RFLNA: variants seen among roughly 807,000 people sequenced by gnomAD.
RFLNA encodes the protein refilin A.
A neutral mutation model predicts 7.8 loss-of-function variants in RFLNA; 5 were observed. The ratio of observed to expected loss-of-function variants is 0.64; its 90% CI spans 0.34 to 1.35. RFLNA has a LOEUF of 1.35. RFLNA is among the 40% of genes most tolerant of loss of function. RFLNA has a pLI of 0.04. For synonymous variants in RFLNA, 141 were observed against 131.3 expected (o/e 1.07, Z -0.50); for missense variants, 278 against 305.5 (o/e 0.91, Z 0.67).
At position 124,314,392 on chromosome 12, in the gene RFLNA, A is replaced by G. The variant is rs778057181; in HGVS notation, c.518A>G (p.Lys173Arg). ...RFRSTTIIFP[K>R]HARSTFRTTL... ...CGCAGCACCACCATCATCTTCCCCA[A>G]GCATGCCAGGAGCACTTTCCGGACC... The change falls in exon 3 of 3, where the codon AAG (lysine) becomes AGG (arginine). Residue 173 changes from lysine to arginine, a missense_variant. Transcript: ENST00000546355. 3 of 1,611,118 alleles carry G rather than the reference A, an allele frequency of 1.9e-6. No homozygotes were observed. The highest frequency in any genetic ancestry group is 2.2e-5 in the East Asian group (1 of 44,878).
At chr12:124,313,264 G>C (rs1323034005) in intron 2 of RFLNA, among the ~76,000 whole-genome samples, 2 of 152,172 alleles carry the variant, frequency 1.3e-5, no homozygotes, top group Admixed American at 1.3e-4. Context: ...CTCCTTCCCA[G>C]AGCTTCCAGT....
chr12:124,299,177 A>T (rs916711561), intron 1 of RFLNA, among the ~76,000 whole-genome samples: 8 of 152,344 alleles, frequency 5.3e-5, no homozygotes, highest in Admixed American at 5.2e-4. Flanking sequence ...TTGAGTGAGG[A>T]GGGTGCCCGT....
upstream of RFLNA, among the ~76,000 whole-genome samples, chr12:124,293,288 C>T (rs1374929459): frequency 6.6e-6 from 1 of 152,132 alleles, no homozygotes. Flanking sequence ...CTCCACCTTG[C>T]CCGCATCCTG....
chr12:124,314,678 G>A lies in RFLNA; in HGVS notation c.*153G>A, dbSNP rs755346271. ...CCCGTGTGGAAGGAGGCGGCTCCCC[G>A]CTGCCTGCCCTGACCTACAGGCTAG... is the stretch of plus-strand genomic sequence containing the variant. On this transcript the variant is annotated 3_prime_UTR_variant, in exon 3 of 3. Coordinates refer to ENST00000546355, the MANE Select transcript of RFLNA (RefSeq NM_001365156.1). 92 of 1,269,428 alleles carry A rather than the reference G, an allele frequency of 7.2e-5. No homozygotes were observed. In the South Asian group the frequency reaches 1.1e-3, roughly 15 times the overall value. 78.6% of individuals were successfully genotyped at this position (1,269,428 alleles called of 1,614,324 possible).
At chr12:124,304,176 C>T (rs1181348656) in intron 1 of RFLNA, among the ~76,000 whole-genome samples, 1 of 152,374 alleles carries the variant, frequency 6.6e-6, no homozygotes, top group African/African-American at 2.4e-5. Context: ...GCCAGAAAGA[C>T]GAAGCTGCGA....
chr12:124,304,802 C>T (rs1023712405), intron 1 of RFLNA, among the ~76,000 whole-genome samples: 3 of 152,212 alleles, frequency 2.0e-5, no homozygotes, highest in African/African-American at 7.2e-5. Flanking sequence ...ATGTCCCCTT[C>T]CACACTGGTG....
At chr12:124,302,859 G>A (rs1179360630) in intron 1 of RFLNA, among the ~76,000 whole-genome samples, 3 of 151,658 alleles carry the variant, frequency 2.0e-5, no homozygotes, top group African/African-American at 7.3e-5. Context: ...GTCAGGGGCC[G>A]AGGTCAGGGG....
At chr12:124,310,753 G>A (rs186802212) in intron 1 of RFLNA, among the ~76,000 whole-genome samples, 24 of 152,292 alleles carry the variant, frequency 1.6e-4, no homozygotes, top group African/African-American at 2.6e-4. Context: ...ACTTCCCAGC[G>A]TGGAGCTGTG....
chr12:124,309,211 C>G (rs778957195), intron 1 of RFLNA, among the ~76,000 whole-genome samples: 6 of 152,244 alleles, frequency 3.9e-5, no homozygotes, highest in Admixed American at 3.9e-4. Flanking sequence ...GCTTCCCCCC[C>G]ACCGATCACA....
At chr12:124,311,129 A>T (rs776098823) in intron 1 of RFLNA, among the ~76,000 whole-genome samples, 4 of 152,148 alleles carry the variant, frequency 2.6e-5, no homozygotes, top group Non-Finnish European at 4.4e-5. Context: ...ACAGCTCTGG[A>T]GGAGAACCTG....
At chr12:124,290,423 T>C (rs1189972677), upstream of RFLNA, among the ~76,000 whole-genome samples, 1 of 152,220 alleles carries the variant, frequency 6.6e-6, no homozygotes, top group African/African-American at 2.4e-5. The surrounding 1 kb of genome is among the most constrained non-coding windows in gnomAD (Gnocchi z 4.0). Context: ...TAGGTACATG[T>C]GTGTATGTGC....
At chr12:124,295,718 A>G in intron 1 of RFLNA, 82 bp downstream of exon 1, 1 of 1,202,656 alleles carries the variant, frequency 8.3e-7, no homozygotes. Flanking sequence ...GCGCCACTGC[A>G]GCAGCAGGAC....
intron 1 of RFLNA, among the ~76,000 whole-genome samples, chr12:124,307,692 G>A (rs923361506): frequency 1.3e-5 from 2 of 152,182 alleles, no homozygotes; most frequent in Non-Finnish European, 2.9e-5. Flanking sequence ...AGGCCCCAGG[G>A]TTCGGGCTTG....
At chr12:124,313,608 G>A (rs1329808235) in intron 2 of RFLNA, among the ~76,000 whole-genome samples, 1 of 151,950 alleles carries the variant, frequency 6.6e-6, no homozygotes, top group Non-Finnish European at 1.5e-5. Context: ...GAACCTGGGA[G>A]GCGGAGCTTG....
intron 1 of RFLNA, among the ~76,000 whole-genome samples, chr12:124,308,032 A>T (rs2034167777): frequency 6.8e-6 from 1 of 145,990 alleles, no homozygotes. Context: ...CCCAGGCTGG[A>T]GTACAGTGGC....
intron 1 of RFLNA, among the ~76,000 whole-genome samples, chr12:124,311,352 A>G (rs1474655458): frequency 5.6e-5 from 6 of 106,282 alleles, no homozygotes; most frequent in Non-Finnish European, 9.8e-5. Flanking sequence ...CAGGTGTGCC[A>G]CAGACACAGG....
chr12:124,300,799 G>T (rs1343109710), intron 1 of RFLNA, among the ~76,000 whole-genome samples: 1 of 151,318 alleles, frequency 6.6e-6, no homozygotes, highest in Non-Finnish European at 1.5e-5. Context: ...TGGATGGATG[G>T]ATGGATGGAT....
At chr12:124,313,180 G>A (rs1213537847) in intron 2 of RFLNA, among the ~76,000 whole-genome samples, 1 of 152,142 alleles carries the variant, frequency 6.6e-6, no homozygotes, top group African/African-American at 2.4e-5. Flanking sequence ...TGACCCTCGG[G>A]ACCTCTGATC....
At chr12:124,308,907 G>A (rs571274961) in intron 1 of RFLNA, among the ~76,000 whole-genome samples, 3 of 152,358 alleles carry the variant, frequency 2.0e-5, no homozygotes, top group East Asian at 1.9e-4. Flanking sequence ...GACAGTGAGC[G>A]TGTTCTGGAT....
Sources: allele counts gnomAD v4.1 joint callset (sites outside exome capture counted in the v4.1 genomes callset), GRCh38; gene constraint gnomAD v4.1.1; non-coding constraint Gnocchi (gnomAD v3.1); transcripts MANE v1.5; gene names NCBI Gene and HGNC (gene_info 2026-07-23, HGNC 2026-07-21).